Variants in DNAJC3 observed in about 807,000 individuals in gnomAD.
The protein encoded by DNAJC3 is DnaJ heat shock protein family (Hsp40) member C3.
DNAJC3 carries 38 observed loss-of-function variants against 68.6 expected under a neutral mutation model. That is an observed-to-expected ratio of 0.55 (90% confidence interval 0.43 to 0.73). The LOEUF (loss-of-function observed/expected upper bound fraction) is 0.73. Among genes scored for constraint, DNAJC3 ranks in the 30% least tolerant of loss-of-function variants. The pLI, the probability that DNAJC3 is intolerant of heterozygous loss-of-function variation, is 0.00. For missense variants in DNAJC3, 526 were observed against 591.9 expected (o/e 0.89, Z 1.16); for synonymous variants, 203 against 204.0 (o/e 1.00, Z 0.04).
At chr13:95,705,133 T>C (rs1880697045) in intron 1 of DNAJC3, among the ~76,000 whole-genome samples, 1 of 152,180 alleles carries the variant, frequency 6.6e-6, no homozygotes, top group African/African-American at 2.4e-5. Context: ...ATTACAGGCA[T>C]GAGCCACCGC....
At chr13:95,755,748 C>T (rs1195646524) in intron 4 of DNAJC3, among the ~76,000 whole-genome samples, 3 of 115,054 alleles carry the variant, frequency 2.6e-5, no homozygotes, top group East Asian at 2.3e-4. Context: ...CAGAGCGAGA[C>T]GCCGTCTCAA....
intron 4 of DNAJC3, among the ~76,000 whole-genome samples, chr13:95,733,761 A>G (rs1321527531): frequency 1.4e-5 from 1 of 69,692 alleles, no homozygotes; most frequent in Non-Finnish European, 2.9e-5. Context: ...AATACGTTTT[A>G]TTTAAATATA....
At chr13:95,722,942 A>G (rs1593980004) in intron 2 of DNAJC3, among the ~76,000 whole-genome samples, 1 of 150,496 alleles carries the variant, frequency 6.6e-6, no homozygotes, top group Non-Finnish European at 1.5e-5. Context: ...TTGCGGCCAC[A>G]GTCTTATGTT....
chr13:95,718,811 C>T (rs1881231822), intron 2 of DNAJC3, among the ~76,000 whole-genome samples: 1 of 152,182 alleles, frequency 6.6e-6, no homozygotes, highest in South Asian at 2.1e-4. Context: ...CTTCTGTGAC[C>T]TCTGGTCACC....
intron 9 of DNAJC3, among the ~76,000 whole-genome samples, chr13:95,774,041 G>A (rs926835562): frequency 2.0e-5 from 3 of 152,130 alleles, no homozygotes; most frequent in African/African-American, 7.2e-5. Flanking sequence ...GGCCTTGTTG[G>A]TCTTTTTAAG....
chr13:95,685,639 T>C (rs1473449301), intron 1 of DNAJC3, among the ~76,000 whole-genome samples: 2 of 152,194 alleles, frequency 1.3e-5, no homozygotes, highest in African/African-American at 4.8e-5. Flanking sequence ...AAATCTTATG[T>C]TGAATTGTAA....
At chr13:95,778,504 CTTTTAAAAAGCAGGA>C (rs934108512) in intron 9 of DNAJC3, among the ~76,000 whole-genome samples, 5 of 152,132 alleles carry the variant, frequency 3.3e-5, no homozygotes, top group Admixed American at 2.6e-4. Context: ...TATTACTCAG[CTTTTAAAAAGCAGGA>C]GGTTTTCTAA....
chr13:95,757,184 C>G (rs1267981501), intron 4 of DNAJC3, among the ~76,000 whole-genome samples: 1 of 152,034 alleles, frequency 6.6e-6, no homozygotes, highest in Non-Finnish European at 1.5e-5. Flanking sequence ...CTTACAACCT[C>G]TAAAAAAGCT....
At position 95,782,893 on chromosome 13, in the gene DNAJC3, C is replaced by T. The variant is rs143437576; in HGVS notation, c.1076-3046C>T. Among the ~76,000 whole-genome samples, 8 of 152,274 alleles carry T rather than the reference C, an allele frequency of 5.3e-5. No individual in the cohort carries two copies. The East Asian group carries it at 1.5e-3, about 29-fold the overall frequency. On this transcript the variant is annotated intron_variant, in intron 9 of 11. Transcript: ENST00000602402. The stretch of plus-strand genomic sequence containing the variant: ...TGTTTCATGAAGTCTTTGCCCATGC[C>T]TGTGTCCTGAATGGTATTGCCTAGG...
chr13:95,690,647 G>A (rs1388296638), intron 1 of DNAJC3, among the ~76,000 whole-genome samples: 1 of 141,902 alleles, frequency 7.0e-6, no homozygotes, highest in African/African-American at 2.8e-5. Flanking sequence ...GGACGGGGCG[G>A]CTGGCCGGGC....
rs895933621 is a variant in DNAJC3, at chr13:95,792,260, A to C, written c.*1230A>C. 2.6e-5 allele frequency: 4 copies of C among 152,362 alleles called. No individual in the cohort carries two copies. Among genetic ancestry groups the C allele is most frequent in the African/African-American group, 7.2e-5 (3 of 41,592 alleles). 9.4% of individuals were successfully genotyped at this position (152,362 alleles called of 1,614,324 possible). A position where few individuals can be genotyped will look rare whatever the true frequency, so the allele number is the denominator to read the frequency against. ...ATACTATTTAAGAAGTGAACTATTCAGTCTTTGTATACTGAATGCTTTTTC... is the reference window on the plus strand; with the variant it reads ...ATACTATTTAAGAAGTGAACTATTCCGTCTTTGTATACTGAATGCTTTTTC... On this transcript the variant is annotated 3_prime_UTR_variant, in exon 12 of 12. Transcript: ENST00000602402.
At chr13:95,716,066 G>A (rs564088285) in intron 2 of DNAJC3, among the ~76,000 whole-genome samples, 20 of 152,184 alleles carry the variant, frequency 1.3e-4, no homozygotes, top group African/African-American at 4.3e-4. Flanking sequence ...GCTGAGGCAC[G>A]AGAATTGCTT....
chr13:95,696,109 A>G (rs192023792), intron 1 of DNAJC3, among the ~76,000 whole-genome samples: 1 of 152,336 alleles, frequency 6.6e-6, no homozygotes, highest in Admixed American at 6.5e-5. Flanking sequence ...ACTCATTCAG[A>G]CATTACACTC....
At chr13:95,772,379 T>C (rs1455216821) in intron 9 of DNAJC3, among the ~76,000 whole-genome samples, 1 of 152,160 alleles carries the variant, frequency 6.6e-6, no homozygotes, top group Non-Finnish European at 1.5e-5. Flanking sequence ...TAGACATATG[T>C]TTTTGTTTAT....
chr13:95,733,135 T>C (rs1160095417), intron 4 of DNAJC3, among the ~76,000 whole-genome samples: 1 of 152,184 alleles, frequency 6.6e-6, no homozygotes, highest in Admixed American at 6.5e-5. Context: ...GTTCTGTGAA[T>C]GTCTGTTAAG....
chr13:95,767,388 G>T lies in DNAJC3; in HGVS notation c.1075+3435G>T, dbSNP rs536103443. ...TTTTAAGGCTGAATAGTATTCCATTGTATGGATATCCCACATTTTGTTTAT... is the reference window on the plus strand; with the variant it reads ...TTTTAAGGCTGAATAGTATTCCATTTTATGGATATCCCACATTTTGTTTAT... On this transcript the variant is annotated intron_variant, in intron 9 of 11. Coordinates refer to ENST00000602402, the MANE Select transcript of DNAJC3 (RefSeq NM_006260.5). 2.6e-5 allele frequency among the ~76,000 whole-genome samples: 4 copies of T among 152,278 alleles called. No individual in the cohort carries two copies. The East Asian group carries it at 7.7e-4, about 29-fold the overall frequency.
chr13:95,747,818 C>A (rs1397230362), intron 4 of DNAJC3, among the ~76,000 whole-genome samples: 2 of 151,938 alleles, frequency 1.3e-5, no homozygotes, highest in Non-Finnish European at 2.9e-5. Context: ...TAGAGAGATT[C>A]ATTGGTTGGG....
At chr13:95,714,286 T>C (rs1881066186) in intron 2 of DNAJC3, among the ~76,000 whole-genome samples, 1 of 152,042 alleles carries the variant, frequency 6.6e-6, no homozygotes, top group South Asian at 2.1e-4. Flanking sequence ...ATATAATCAC[T>C]CAGGAGGCTG....
rs36030034 is a variant in DNAJC3, at chr13:95,764,683, T to TATACAC, written c.1075+731_1075+732insTACACA. ...ATATATATATATATATATATATATA[T>TATACAC]ACACACACACACATATATATATACA... On this transcript the variant is annotated intron_variant, in intron 9 of 11. Coordinates refer to ENST00000602402, the MANE Select transcript of DNAJC3 (RefSeq NM_006260.5). Among the ~76,000 whole-genome samples the TATACAC allele has an allele frequency of 2.4e-3, 216 of 88,196 alleles. 3 individuals are homozygous for TATACAC. Among genetic ancestry groups the TATACAC allele is most frequent in the Admixed American group, 9.4e-3 (66 of 7,042 alleles). The allele number at this position is 88,196 out of a possible 152,430, so 57.9% of individuals were successfully genotyped here.
Sources: allele counts gnomAD v4.1 joint callset (sites outside exome capture counted in the v4.1 genomes callset), GRCh38; gene constraint gnomAD v4.1.1; transcripts MANE v1.5; gene names NCBI Gene and HGNC (gene_info 2026-07-23, HGNC 2026-07-21).